Variants in EEFSEC observed in about 807,000 individuals in gnomAD.
EEFSEC encodes the protein eukaryotic elongation factor, selenocysteine-tRNA specific, also known as selenocysteine-specific elongation factor.
Under a neutral mutation model 42.1 loss-of-function variants are expected in EEFSEC, and 43 were observed. The observed-to-expected ratio is 1.02, with a 90% CI of 0.80 to 1.32. The LOEUF is 1.32. Ranked by LOEUF, EEFSEC falls within the 40% of genes most tolerant of loss-of-function variation. The pLI, the probability that EEFSEC is intolerant of heterozygous loss-of-function variation, is 0.00. For missense variants in EEFSEC, 745 were observed against 803.6 expected (o/e 0.93, Z 0.88); for synonymous variants, 354 against 339.1 (o/e 1.04, Z -0.48).
chr3:128,180,408 C>G (rs1260947673), intron 1 of EEFSEC, among the ~76,000 whole-genome samples: 1 of 152,172 alleles, frequency 6.6e-6, no homozygotes, highest in African/African-American at 2.4e-5. Flanking sequence ...ACCTGTTTTC[C>G]CACCTGGCAG....
chr3:128,413,864 A>AC, the EEFSEC span, among the ~76,000 whole-genome samples: 2 of 151,896 alleles, frequency 1.3e-5, no homozygotes, highest in Non-Finnish European at 2.9e-5. Flanking sequence ...GCCCAACATC[A>AC]CCTGTGGGAG....
chr3:128,220,939 C>T (rs926852121), intron 1 of EEFSEC, among the ~76,000 whole-genome samples: 25 of 152,224 alleles, frequency 1.6e-4, no homozygotes, highest in African/African-American at 5.5e-4. Context: ...ATGGAGTCTA[C>T]AACACAACTC....
the EEFSEC span, among the ~76,000 whole-genome samples, chr3:128,414,159 C>G: frequency 6.6e-6 from 1 of 152,228 alleles, no homozygotes; most frequent in African/African-American, 2.4e-5. Flanking sequence ...GGGGCCCCAG[C>G]CCTAGAGTGA....
At chr3:128,182,872 A>T (rs2107792568) in intron 1 of EEFSEC, among the ~76,000 whole-genome samples, 1 of 71,876 alleles carries the variant, frequency 1.4e-5, no homozygotes, top group Non-Finnish European at 2.3e-5. Flanking sequence ...CACCAGCCAC[A>T]GAGATCGGGG....
At chr3:128,333,169 G>A (rs2067152395) in intron 4 of EEFSEC, among the ~76,000 whole-genome samples, 2 of 152,218 alleles carry the variant, frequency 1.3e-5, no homozygotes, top group African/African-American at 4.8e-5. Flanking sequence ...GAACAAAATG[G>A]ATAATAGAGG....
At chr3:128,260,062 G>T (rs1249743560) in intron 2 of EEFSEC, among the ~76,000 whole-genome samples, 1 of 152,094 alleles carries the variant, frequency 6.6e-6, no homozygotes, top group Non-Finnish European at 1.5e-5. Context: ...GGATCATGTG[G>T]TGATCCCATG....
At chr3:128,367,178 C>G (rs2107600545) in intron 6 of EEFSEC, among the ~76,000 whole-genome samples, 1 of 152,322 alleles carries the variant, frequency 6.6e-6, no homozygotes, top group Admixed American at 6.5e-5. Context: ...AAGGCCCTGC[C>G]TCCAAATACA....
At chr3:128,344,441 T>C (rs2067289471) in intron 5 of EEFSEC, among the ~76,000 whole-genome samples, 1 of 152,230 alleles carries the variant, frequency 6.6e-6, no homozygotes, top group African/African-American at 2.4e-5. Flanking sequence ...CAATAATTAT[T>C]CAGTGTAAGG....
At chr3:128,416,424 C>T in the EEFSEC span, among the ~76,000 whole-genome samples, 3 of 152,198 alleles carry the variant, frequency 2.0e-5, no homozygotes, top group Non-Finnish European at 2.9e-5. Context: ...AGGGTTCCCT[C>T]GCACACCAGG....
At chr3:128,201,047 C>T (rs141307086) in intron 1 of EEFSEC, among the ~76,000 whole-genome samples, 157 of 152,252 alleles carry the variant, frequency 1.0e-3, no homozygotes, top group Non-Finnish European at 4.1e-4. Flanking sequence ...ATCCATGCAC[C>T]ACCTTTATTA....
chr3:128,153,813 C>T lies in EEFSEC; in HGVS notation c.306C>T (p.Thr102=). 6.6e-7 allele frequency: 1 copy of T among 1,512,812 alleles called. No homozygotes were observed. The highest frequency in any genetic ancestry group is 8.8e-7 in the Non-Finnish European group (1 of 1,136,760). The allele number at this position is 1,512,812 out of a possible 1,614,324, so 93.7% of individuals were successfully genotyped here. A position where few individuals can be genotyped will look rare whatever the true frequency, so the allele number is the denominator to read the frequency against. ...CCGGGCACGCCTCCCTCATCCGGACCATCATCGGCGGTGAGCGCGGGCCGG... is the reference window on the plus strand; with the variant it reads ...CCGGGCACGCCTCCCTCATCCGGACTATCATCGGCGGTGAGCGCGGGCCGG... The part of the protein sequence containing the change: ...DCPGHASLIR[T]IIGGAQIIDL... The change falls in exon 1 of 7, where the codon ACC becomes ACT. Residue 102 remains threonine (T), a synonymous_variant. Coordinates refer to ENST00000254730, the MANE Select transcript of EEFSEC (RefSeq NM_021937.5).
chr3:128,182,606 C>G lies in EEFSEC; in HGVS notation c.316+28783C>G, dbSNP rs140949782. On this transcript the variant is annotated intron_variant, in intron 1 of 6. Coordinates refer to ENST00000254730, the MANE Select transcript of EEFSEC (RefSeq NM_021937.5). Reference sequence around the variant, plus strand: ...TATTGACAACATACTGTTCCACTCTCAGGATGACTTGTGCTATCTCGAACA... The same window carrying G: ...TATTGACAACATACTGTTCCACTCTGAGGATGACTTGTGCTATCTCGAACA... 2.0e-3 allele frequency among the ~76,000 whole-genome samples: 302 copies of G among 152,298 alleles called. 2 individuals are homozygous for G. The highest frequency in any genetic ancestry group is 3.4e-3 in the Middle Eastern group (1 of 294).
chr3:128,159,438 C>T (rs1335528866), intron 1 of EEFSEC, among the ~76,000 whole-genome samples: 1 of 152,220 alleles, frequency 6.6e-6, no homozygotes, highest in African/African-American at 2.4e-5. Flanking sequence ...TTATTCTCCT[C>T]CTCCCTCTGA....
intron 4 of EEFSEC, among the ~76,000 whole-genome samples, chr3:128,280,139 A>T (rs774054121): frequency 5.9e-5 from 9 of 152,210 alleles, no homozygotes; most frequent in Non-Finnish European, 1.0e-4. Context: ...TGGTCCCATT[A>T]TGTAGGAAAA....
Position 128,341,465 on chromosome 3 carries a change from G to A in EEFSEC, c.1019G>A (p.Gly340Asp). 1 of 1,614,192 alleles carries A rather than the reference G, an allele frequency of 6.2e-7. No individual in the cohort carries two copies. Among genetic ancestry groups the A allele is most frequent in the Non-Finnish European group, 8.5e-7 (1 of 1,180,042 alleles). Residue 340 changes from glycine to aspartate, a missense_variant, in exon 5 of 7, where the codon GGC becomes GAC. By Grantham distance (94) the Gly-to-Asp change is moderately conservative (BLOSUM62 -1). Transcript: ENST00000254730. ...QTKAKFHITV[G>D]HETVMGRLMF... ...AAGGCCAAGTTCCACATTACAGTGG[G>A]CCATGAAACAGTCATGGGCCGGTTG...
intron 4 of EEFSEC, among the ~76,000 whole-genome samples, chr3:128,291,844 T>C (rs1360553787): frequency 6.6e-6 from 1 of 152,214 alleles, no homozygotes; most frequent in Non-Finnish European, 1.5e-5. Flanking sequence ...TGAGAACAGA[T>C]ATCTTTACCT....
intron 1 of EEFSEC, among the ~76,000 whole-genome samples, chr3:128,175,477 CGAGCGTAGGTG>C (rs932493341): frequency 2.0e-5 from 3 of 152,008 alleles, no homozygotes; most frequent in African/African-American, 7.2e-5. Flanking sequence ...GTGGGGAAGA[CGAGCGTAGGTG>C]GAAAAAATGT....
intron 1 of EEFSEC, among the ~76,000 whole-genome samples, chr3:128,227,226 C>T (rs1255257159): frequency 6.6e-6 from 1 of 152,226 alleles, no homozygotes; most frequent in Admixed American, 6.5e-5. Flanking sequence ...CCTCACTTGG[C>T]AGCTGAGCCC....
In EEFSEC at chr3:128,317,968, G is replaced by T. The variant is rs2066966100; in HGVS notation, c.787-23265G>T. 6.6e-6 allele frequency among the ~76,000 whole-genome samples: 1 copy of T among 152,242 alleles called. No individual in the cohort carries two copies. The highest frequency in any genetic ancestry group is 2.4e-5 in the African/African-American group (1 of 41,462). On this transcript the variant is annotated intron_variant, in intron 4 of 6. Coordinates refer to ENST00000254730, the MANE Select transcript of EEFSEC (RefSeq NM_021937.5). This position sits in a 1 kb window ranked among gnomAD's most constrained non-coding sequence, Gnocchi z 4.1. ...CCTTGCCATGTGGGCCATGGGAACT[G>T]GTTGTTAGGTGACTGTGCACTCCAG...
Sources: allele counts gnomAD v4.1 joint callset (sites outside exome capture counted in the v4.1 genomes callset), GRCh38; gene constraint gnomAD v4.1.1; non-coding constraint Gnocchi (gnomAD v3.1); transcripts MANE v1.5; gene names NCBI Gene and HGNC (gene_info 2026-07-23, HGNC 2026-07-21).